The following MOB3B variants were observed in gnomAD, a reference collection of about 807,000 sequenced individuals.
The protein encoded by MOB3B is MOB kinase activator 3B, also known as MOB kinase activator-like 2B.
In MOB3B, 7 loss-of-function variants were observed where a neutral mutation model predicts 18.7. The observed-to-expected ratio is 0.37, with a 90% CI of 0.21 to 0.70. The LOEUF (loss-of-function observed/expected upper bound fraction) is 0.70. MOB3B is among the 30% of genes least tolerant of loss of function. The pLI is 0.52. For missense variants in MOB3B, 253 were observed against 281.3 expected (o/e 0.90, Z 0.72); for synonymous variants, 111 against 99.9 (o/e 1.11, Z -0.66).
At chr9:27,442,937 G>A (rs1822617554) in intron 2 of MOB3B, among the ~76,000 whole-genome samples, 1 of 152,128 alleles carries the variant, frequency 6.6e-6, no homozygotes, top group Non-Finnish European at 1.5e-5. Context: ...AGCCCTGTGG[G>A]ATAAGTGTTA....
At chr9:27,375,102 C>T (rs1405685185) in intron 2 of MOB3B, among the ~76,000 whole-genome samples, 1 of 152,242 alleles carries the variant, frequency 6.6e-6, no homozygotes, top group Non-Finnish European at 1.5e-5. Flanking sequence ...GTTATTCAAG[C>T]TCTGGCCAAA....
At chr9:27,523,464 C>CAAAAAAAAAAAA (rs55637136) in intron 1 of MOB3B, among the ~76,000 whole-genome samples, 2 of 141,682 alleles carry the variant, frequency 1.4e-5, no homozygotes, top group African/African-American at 5.3e-5. Flanking sequence ...TAAACTGCAC[C>CAAAAAAAAAAAA]AAAAAAAAAA....
At chr9:27,469,400 C>A (rs1458933606) in intron 1 of MOB3B, among the ~76,000 whole-genome samples, 3 of 152,086 alleles carry the variant, frequency 2.0e-5, no homozygotes, top group Non-Finnish European at 4.4e-5. Context: ...GCCTTTGTAC[C>A]CTTCAGTGAC....
intron 1 of MOB3B, among the ~76,000 whole-genome samples, chr9:27,487,411 G>C (rs1355165334): frequency 6.6e-6 from 1 of 152,038 alleles, no homozygotes; most frequent in East Asian, 1.9e-4. Flanking sequence ...TGGAGGGGAG[G>C]ATAGGCATGT....
chr9:27,381,649 C>CT (rs954932231), intron 2 of MOB3B, among the ~76,000 whole-genome samples: 2 of 152,048 alleles, frequency 1.3e-5, no homozygotes, highest in African/African-American at 4.8e-5. Context: ...AGCCCTAGAA[C>CT]TTTTTTTTCG....
intron 2 of MOB3B, among the ~76,000 whole-genome samples, chr9:27,412,980 C>T (rs917051244): frequency 6.6e-5 from 10 of 152,210 alleles, no homozygotes; most frequent in African/African-American, 2.4e-4. Flanking sequence ...CAATGAAAGG[C>T]ACCCTTTAAA....
At chr9:27,401,760 A>G (rs1443244824) in intron 2 of MOB3B, among the ~76,000 whole-genome samples, 1 of 152,232 alleles carries the variant, frequency 6.6e-6, no homozygotes. Context: ...AAAGCAAAAG[A>G]AAAACATACA....
At chr9:27,498,094 C>T (rs139003495) in intron 1 of MOB3B, among the ~76,000 whole-genome samples, 95 of 152,240 alleles carry the variant, frequency 6.2e-4, no homozygotes, top group African/African-American at 2.0e-3. Context: ...TGTCACTTCC[C>T]GGCTGCCCAC....
In MOB3B at chr9:27,509,821, T is replaced by A. The variant is rs937272511; in HGVS notation, c.-199+19734A>T. On this transcript the variant is annotated intron_variant, in intron 1 of 3. Transcript: ENST00000262244. ...CTCACTGCAACCTCCACCTCCTGGG[T>A]TCAAGCGATCCTCCTGCCTCAGGCC... 3.3e-5 allele frequency among the ~76,000 whole-genome samples: 5 copies of A among 152,052 alleles called. No individual in the cohort carries two copies. The East Asian group carries it at 9.6e-4, about 29-fold the overall frequency.
At chr9:27,375,627 G>A (rs1821478779) in intron 2 of MOB3B, among the ~76,000 whole-genome samples, 1 of 152,084 alleles carries the variant, frequency 6.6e-6, no homozygotes, top group Non-Finnish European at 1.5e-5. Context: ...CTAGAGGAGA[G>A]GACAAAAGCC....
chr9:27,401,968 A>AT (rs1478803393), intron 2 of MOB3B, among the ~76,000 whole-genome samples: 1 of 152,348 alleles, frequency 6.6e-6, no homozygotes, highest in East Asian at 1.9e-4. Context: ...ATGTGCAGAT[A>AT]TTTCTGTCCT....
intron 2 of MOB3B, among the ~76,000 whole-genome samples, chr9:27,365,243 C>T (rs1315485020): frequency 2.0e-5 from 3 of 150,098 alleles, no homozygotes; most frequent in African/African-American, 7.4e-5. Context: ...GCATGGAAGG[C>T]TGCATGTTGC....
intron 2 of MOB3B, among the ~76,000 whole-genome samples, chr9:27,452,486 G>A (rs1459714082): frequency 6.6e-6 from 1 of 152,132 alleles, no homozygotes; most frequent in Non-Finnish European, 1.5e-5. Flanking sequence ...AAAATTCTGA[G>A]TGGTTACAAT....
chr9:27,452,302 T>C (rs934382544), intron 2 of MOB3B, among the ~76,000 whole-genome samples: 1 of 152,162 alleles, frequency 6.6e-6, no homozygotes, highest in African/African-American at 2.4e-5. Context: ...TATTGCATAA[T>C]TTAAAGAGCT....
At chr9:27,411,948 T>C (rs976116990) in intron 2 of MOB3B, among the ~76,000 whole-genome samples, 2 of 152,178 alleles carry the variant, frequency 1.3e-5, no homozygotes, top group African/African-American at 4.8e-5. Flanking sequence ...GAGAACCCTG[T>C]ACTATCTGCT....
At chr9:27,396,983 G>T (rs1473186478) in intron 2 of MOB3B, 2 of 152,188 alleles carry the variant, frequency 1.3e-5, no homozygotes, top group African/African-American at 2.4e-5. Context: ...CCTGATATTT[G>T]GTAAGATGCC....
intron 2 of MOB3B, among the ~76,000 whole-genome samples, chr9:27,362,351 C>T (rs762251463): frequency 1.4e-4 from 22 of 152,064 alleles, no homozygotes; most frequent in Non-Finnish European, 2.6e-4. Flanking sequence ...AAAATCCAGT[C>T]GAGTCTTCAT....
intron 2 of MOB3B, among the ~76,000 whole-genome samples, chr9:27,440,657 A>G (rs1046007916): frequency 3.3e-5 from 5 of 152,114 alleles, no homozygotes; most frequent in African/African-American, 9.7e-5. Flanking sequence ...ATCAAGTCCC[A>G]CCAGTTACGC....
At chr9:27,357,075 G>A (rs1465117386) in intron 3 of MOB3B, among the ~76,000 whole-genome samples, 1 of 129,546 alleles carries the variant, frequency 7.7e-6, no homozygotes, top group Admixed American at 8.7e-5. Flanking sequence ...CATCTCAAGT[G>A]TAACCCAAAA....
Sources: allele counts gnomAD v4.1 joint callset (sites outside exome capture counted in the v4.1 genomes callset), GRCh38; gene constraint gnomAD v4.1.1; transcripts MANE v1.5; gene names NCBI Gene and HGNC (gene_info 2026-07-23, HGNC 2026-07-21).